The following CDH12 variants were observed in gnomAD, a reference collection of about 807,000 sequenced individuals.
CDH12 encodes cadherin-12.
In CDH12, 41 loss-of-function variants were observed where a neutral mutation model predicts 74.1. The observed-to-expected ratio is 0.55, with a 90% CI of 0.43 to 0.72. The LOEUF is 0.72. CDH12 is among the 30% of genes least tolerant of loss of function. The probability of loss-of-function intolerance (pLI) is 0.00; values close to 1 mark genes in which losing one functional copy is unlikely to be tolerated. For missense variants in CDH12, 945 were observed against 977.2 expected (o/e 0.97, Z 0.44); for synonymous variants, 399 against 355.0 (o/e 1.12, Z -1.39).
intron 3 of CDH12, among the ~76,000 whole-genome samples, chr5:22,275,258 C>T (rs900600126): frequency 1.3e-5 from 2 of 151,302 alleles, no homozygotes; most frequent in African/African-American, 4.9e-5. Flanking sequence ...CAAACCTGCA[C>T]GTTCTGCACA....
At position 22,690,671 on chromosome 5, in the gene CDH12, G is replaced by A. The variant is rs1415007412; in HGVS notation, c.-523+162387C>T. 3.9e-5 allele frequency among the ~76,000 whole-genome samples: 6 copies of A among 152,094 alleles called. No individual in the cohort carries two copies. In the South Asian group the frequency reaches 6.2e-4, roughly 16 times the overall value. On this transcript the variant is annotated intron_variant, in intron 1 of 14. Coordinates refer to ENST00000382254, the MANE Select transcript of CDH12 (RefSeq NM_004061.5). ...TCTGATAACCTTTTTGTAAGTTCAG[G>A]AAAATCCCTTAACTTTTCTTTTGTG...
At chr5:22,083,235 G>A (rs528218165) in intron 4 of CDH12, among the ~76,000 whole-genome samples, 5 of 152,250 alleles carry the variant, frequency 3.3e-5, no homozygotes, top group Non-Finnish European at 7.3e-5. Flanking sequence ...TGACATTTAC[G>A]AATTTAACAA....
At chr5:22,353,499 A>G (rs896303265) in intron 3 of CDH12, among the ~76,000 whole-genome samples, 1 of 152,196 alleles carries the variant, frequency 6.6e-6, no homozygotes, top group African/African-American at 2.4e-5. Flanking sequence ...AAAATATGAA[A>G]TATCCAAATA....
intron 1 of CDH12, among the ~76,000 whole-genome samples, chr5:22,761,778 A>G (rs1337768479): frequency 1.3e-5 from 2 of 152,178 alleles, no homozygotes; most frequent in African/African-American, 2.4e-5. Context: ...TTTATGATTA[A>G]TCTTTAAGAA....
rs75590827 is a variant in CDH12, at chr5:22,276,602, C to T, written c.-332-63959G>A. On this transcript the variant is annotated intron_variant, in intron 3 of 14. Coordinates refer to ENST00000382254, the MANE Select transcript of CDH12 (RefSeq NM_004061.5). The stretch of plus-strand genomic sequence containing the variant: ...AATAATCATTCACTTTGCAAATGAA[C>T]GTTAACACTTGAAAAATAATAGTTA... Among the ~76,000 whole-genome samples, 57 of 152,262 alleles carry T rather than the reference C, an allele frequency of 3.7e-4. No homozygotes were observed. In the South Asian group the frequency reaches 0.012, roughly 31 times the overall value.
chr5:22,455,268 A>G (rs1300704250), intron 2 of CDH12, among the ~76,000 whole-genome samples: 4 of 152,196 alleles, frequency 2.6e-5, no homozygotes, highest in Admixed American at 6.5e-5. Flanking sequence ...AGTGGTGGGG[A>G]AAAATTATTA....
intron 3 of CDH12, among the ~76,000 whole-genome samples, chr5:22,244,757 AAAG>A (rs1469405127): frequency 1.9e-5 from 2 of 103,894 alleles, no homozygotes; most frequent in Admixed American, 8.9e-5. Context: ...AGAAAGAAAG[AAAG>A]AAAGAAAGAA....
intron 3 of CDH12, among the ~76,000 whole-genome samples, chr5:22,252,271 TA>T (rs1289063460): frequency 6.6e-6 from 1 of 151,756 alleles, no homozygotes; most frequent in Non-Finnish European, 1.5e-5. Context: ...AAAGTTAGAA[TA>T]AAAAAATAGA....
chr5:22,126,229 G>A (rs920497584), intron 4 of CDH12, among the ~76,000 whole-genome samples: 11 of 152,122 alleles, frequency 7.2e-5, no homozygotes, highest in Non-Finnish European at 1.5e-5. Context: ...AGCACTTAGG[G>A]AAATGTGTTC....
intron 5 of CDH12, among the ~76,000 whole-genome samples, chr5:22,070,961 C>T (rs1025846903): frequency 2.0e-5 from 3 of 152,002 alleles, no homozygotes; most frequent in South Asian, 2.1e-4. Flanking sequence ...GAGCAACACA[C>T]ACTGCAGCCT....
At chr5:22,283,217 G>GATATATATATATAT (rs1309819565) in intron 3 of CDH12, among the ~76,000 whole-genome samples, 1 of 78,100 alleles carries the variant, frequency 1.3e-5, no homozygotes, top group African/African-American at 7.4e-5. Context: ...TATATATATA[G>GATATATATATATAT]ATATATATAT....
At chr5:21,863,868 G>A (rs1364731072) in intron 6 of CDH12, among the ~76,000 whole-genome samples, 1 of 152,140 alleles carries the variant, frequency 6.6e-6, no homozygotes, top group South Asian at 2.1e-4. Flanking sequence ...GTAACAAAAA[G>A]AGAGAGATTT....
chr5:22,587,097 A>G (rs1358252274), intron 1 of CDH12, among the ~76,000 whole-genome samples: 1 of 152,004 alleles, frequency 6.6e-6, no homozygotes, highest in Non-Finnish European at 1.5e-5. Flanking sequence ...TGGCCTCCCA[A>G]AGTGCTGGGA....
At chr5:21,963,595 T>C (rs976910319) in intron 6 of CDH12, among the ~76,000 whole-genome samples, 7 of 152,092 alleles carry the variant, frequency 4.6e-5, no homozygotes, top group African/African-American at 1.7e-4. Context: ...AGTCTTATCA[T>C]TGTTTATAGT....
At chr5:21,888,557 T>C (rs62350977) in intron 6 of CDH12, among the ~76,000 whole-genome samples, 4,193 of 151,680 alleles carry the variant, frequency 0.028, 89 homozygotes, top group Non-Finnish European at 0.041. Flanking sequence ...AACCTGCATG[T>C]TGTGTACATG....
chr5:22,348,487 AT>A (rs1246637989), intron 3 of CDH12, among the ~76,000 whole-genome samples: 3 of 152,220 alleles, frequency 2.0e-5, no homozygotes, highest in Non-Finnish European at 4.4e-5. Flanking sequence ...TCAGAAATGT[AT>A]TTTTAAAGAA....
At chr5:22,734,045 C>T (rs1173474183) in intron 1 of CDH12, among the ~76,000 whole-genome samples, 1 of 151,846 alleles carries the variant, frequency 6.6e-6, no homozygotes, top group African/African-American at 2.4e-5. Context: ...GTATCTTGCC[C>T]CCTATGTCGA....
rs553826238 is a variant in CDH12 at position 22,097,733 on chromosome 5, G to A, written c.-186-18871C>T. 2.6e-5 allele frequency among the ~76,000 whole-genome samples: 4 copies of A among 151,928 alleles called. No homozygotes were observed. In the East Asian group the frequency reaches 5.8e-4, roughly 22 times the overall value. The stretch of plus-strand genomic sequence containing the variant: ...TGTATCTCCCCACCTAAACCCACAA[G>A]TATAAGACACCTCTACTCCCTCCTT... On this transcript the variant is annotated intron_variant, in intron 4 of 14. Coordinates refer to ENST00000382254, the MANE Select transcript of CDH12 (RefSeq NM_004061.5).
intron 1 of CDH12, among the ~76,000 whole-genome samples, chr5:22,555,114 A>G (rs1382747216): frequency 6.6e-6 from 1 of 152,098 alleles, no homozygotes; most frequent in Non-Finnish European, 1.5e-5. Context: ...TTCTGAACGC[A>G]TAATATCATT....
Sources: allele counts gnomAD v4.1 joint callset (sites outside exome capture counted in the v4.1 genomes callset), GRCh38; gene constraint gnomAD v4.1.1; transcripts MANE v1.5; gene names NCBI Gene and HGNC (gene_info 2026-07-23, HGNC 2026-07-21).